MYO16: variants seen among roughly 807,000 people sequenced by gnomAD.
The protein encoded by MYO16 is unconventional myosin-XVI.
MYO16 carries 94 observed loss-of-function variants against 205.3 expected under a neutral mutation model. The ratio of observed to expected loss-of-function variants is 0.46; its 90% CI spans 0.39 to 0.54. The LOEUF (loss-of-function observed/expected upper bound fraction) is 0.54. Ranked by LOEUF, MYO16 falls within the 20% of genes least tolerant of loss-of-function variation. The pLI is 0.00. For missense variants in MYO16, 2,315 were observed against 2,387.5 expected, an observed-to-expected ratio of 0.97 and a Z score of 0.63; for synonymous variants, 988 against 954.0, an observed-to-expected ratio of 1.04 and a Z score of -0.66.
intron 9 of MYO16, among the ~76,000 whole-genome samples, chr13:108,830,887 A>G (rs1876580951): frequency 6.6e-6 from 1 of 152,242 alleles, no homozygotes; most frequent in South Asian, 2.1e-4. Context: ...GGTAACATTG[A>G]GAACTGTCTA....
chr13:108,785,634 G>A lies in MYO16; in HGVS notation c.508-1G>A. ...TGTTATATTTTTTTCTTTTTATCTA[G>A]GCTGGAGCCAATGTCCTTCTCCAGG... On this transcript the variant is annotated splice_acceptor_variant, in intron 4 of 34. Coordinates refer to ENST00000457511, the MANE Select transcript of MYO16 (RefSeq NM_001198950.3). LOFTEE classifies it high-confidence loss of function. 1 of 1,594,400 alleles carries A rather than the reference G, an allele frequency of 6.3e-7. No individual in the cohort carries two copies. Among genetic ancestry groups the A allele is most frequent in the Non-Finnish European group, 8.5e-7 (1 of 1,170,664 alleles).
the MYO16 span, among the ~76,000 whole-genome samples, chr13:108,508,368 G>T: frequency 6.6e-6 from 1 of 152,112 alleles, no homozygotes; most frequent in African/African-American, 2.4e-5. Flanking sequence ...CTTTTTTGGG[G>T]ATGCACTTTC....
In MYO16 at chr13:109,101,198, C is replaced by T. The variant is rs1888955807; in HGVS notation, c.3438+311C>T. ...CAGTAAAGCATTTTGTCATATTTAC[C>T]CATAGCAGGAGTCAGAGGAGCCAAA... On this transcript the variant is annotated intron_variant, in intron 28 of 34. Transcript: ENST00000457511. The T allele has an allele frequency of 8.3e-6, 2 of 240,380 alleles. 1 individual carries two copies. The highest frequency in any genetic ancestry group is 1.7e-4 in the East Asian group (2 of 11,862). 14.9% of individuals were successfully genotyped at this position (240,380 alleles called of 1,614,324 possible). A position where few individuals can be genotyped will look rare whatever the true frequency, so the allele number is the denominator to read the frequency against.
chr13:108,806,658 T>G (rs2138981706), intron 6 of MYO16, 21 bp from the exon 7 acceptor site: 1 of 1,608,706 alleles, frequency 6.2e-7, no homozygotes, highest in Non-Finnish European at 8.5e-7. Context: ...AAATGAATAA[T>G]AAGATGTCTC....
At chr13:108,522,994 C>T in the MYO16 span, among the ~76,000 whole-genome samples, 1 of 152,020 alleles carries the variant, frequency 6.6e-6, no homozygotes, top group Non-Finnish European at 1.5e-5. Context: ...ACAAAAAATG[C>T]CATAGAAAAG....
rs550147161 is a variant in MYO16 at position 109,063,041 on chromosome 13, C to T, written c.3335+7446C>T. On this transcript the variant is annotated intron_variant, in intron 27 of 34. Transcript: ENST00000457511. The stretch of plus-strand genomic sequence containing the variant: ...ACAACAACAAAATGTCCAGTTTTGC[C>T]GTTGGGAAGTAAGCAACCACTGCTT... 2.6e-5 allele frequency among the ~76,000 whole-genome samples: 4 copies of T among 152,210 alleles called. No homozygotes were observed. In the South Asian group the frequency reaches 6.2e-4, roughly 24 times the overall value.
intron 9 of MYO16, among the ~76,000 whole-genome samples, chr13:108,827,528 C>T (rs538772114): frequency 1.3e-5 from 2 of 152,244 alleles, no homozygotes; most frequent in African/African-American, 4.8e-5. Flanking sequence ...TCTAAGGTGT[C>T]TCCTATCCAA....
intron 12 of MYO16, among the ~76,000 whole-genome samples, chr13:108,870,374 T>C (rs1878990730): frequency 6.6e-6 from 1 of 152,084 alleles, no homozygotes; most frequent in Admixed American, 6.5e-5. Flanking sequence ...AAAAAAATCT[T>C]CTATGTCAAA....
chr13:108,898,000 T>C lies in MYO16; in HGVS notation c.1660-16T>C. 1 of 1,568,260 alleles carries C rather than the reference T, an allele frequency of 6.4e-7. No homozygotes were observed. The highest frequency in any genetic ancestry group is 8.8e-7 in the Non-Finnish European group (1 of 1,138,400). On this transcript the variant is annotated splice_polypyrimidine_tract_variant and intron_variant, in intron 14 of 34. Coordinates refer to ENST00000457511, the MANE Select transcript of MYO16 (RefSeq NM_001198950.3). ...AAAATATGAGCAGTTCAGTAAAATG[T>C]TCTCCTCTCCCACAGGTCGTGTGCA...
intron 4 of MYO16, among the ~76,000 whole-genome samples, chr13:108,741,783 T>G (rs759627036): frequency 5.3e-5 from 8 of 152,120 alleles, no homozygotes; most frequent in Non-Finnish European, 7.3e-5. Context: ...GAAATAGAAG[T>G]CATTGAAGCC....
chr13:108,749,946 T>A (rs1375215965), intron 4 of MYO16, among the ~76,000 whole-genome samples: 1 of 152,126 alleles, frequency 6.6e-6, no homozygotes, highest in African/African-American at 2.4e-5. Flanking sequence ...GAGTCAGCAA[T>A]AAAACAGGAC....
Position 108,937,343 on chromosome 13 carries a change from C to T in MYO16, c.1926-20345C>T, listed in dbSNP as rs114290087. Among the ~76,000 whole-genome samples, 898 of 151,936 alleles carry T rather than the reference C, an allele frequency of 5.9e-3. 6 individuals carry two copies. The highest frequency in any genetic ancestry group is 0.019 in the African/African-American group (804 of 41,464). ...TGGTTAGTCTGGTAACTATATACCTCGGTGTTGTTCATTTTATATAATATC... is the reference window on the plus strand; with the variant it reads ...TGGTTAGTCTGGTAACTATATACCTTGGTGTTGTTCATTTTATATAATATC... On this transcript the variant is annotated intron_variant, in intron 16 of 34. Transcript: ENST00000457511.
intron 16 of MYO16, among the ~76,000 whole-genome samples, chr13:108,956,595 C>T (rs546790238): frequency 6.6e-6 from 1 of 152,248 alleles, no homozygotes; most frequent in African/African-American, 2.4e-5. Flanking sequence ...TCACCGTAGG[C>T]TCCAATTTTG....
intron 1 of MYO16, among the ~76,000 whole-genome samples, chr13:108,616,127 A>G (rs1879342270): frequency 6.6e-6 from 1 of 152,228 alleles, no homozygotes; most frequent in Non-Finnish European, 1.5e-5. Flanking sequence ...AGAGTGGGAC[A>G]CATGCATTTT....
chr13:108,717,487 G>A (rs1033340923), intron 3 of MYO16, among the ~76,000 whole-genome samples: 17 of 151,846 alleles, frequency 1.1e-4, no homozygotes, highest in African/African-American at 3.4e-4. Flanking sequence ...AAAATTAGCC[G>A]GGCGTGGTGG....
intron 4 of MYO16, among the ~76,000 whole-genome samples, chr13:108,757,609 C>T (rs890288419): frequency 1.3e-5 from 2 of 152,052 alleles, no homozygotes; most frequent in African/African-American, 2.4e-5. Context: ...AGGTATATCT[C>T]CTAATGCTAT....
At position 108,801,589 on chromosome 13, in the gene MYO16, T is replaced by G. The variant is rs1445824068; in HGVS notation, c.742-5090T>G. Among the ~76,000 whole-genome samples the G allele has an allele frequency of 2.6e-5, 4 of 152,368 alleles. No individual in the cohort carries two copies. In the South Asian group the frequency reaches 6.2e-4, roughly 24 times the overall value. On this transcript the variant is annotated intron_variant, in intron 6 of 34. Coordinates refer to ENST00000457511, the MANE Select transcript of MYO16 (RefSeq NM_001198950.3). The stretch of plus-strand genomic sequence containing the variant: ...AATGTGTCTGTATAATTGTATACTA[T>G]GCTTTCCTAAAAATCTAGGGTTTAG...
chr13:108,496,646 C>A, the MYO16 span, among the ~76,000 whole-genome samples: 4 of 152,198 alleles, frequency 2.6e-5, no homozygotes, highest in Non-Finnish European at 5.9e-5. Flanking sequence ...TAGTACGCCC[C>A]CGAAAGGAAA....
intron 4 of MYO16, among the ~76,000 whole-genome samples, chr13:108,745,931 T>C (rs1377905531): frequency 6.6e-6 from 1 of 152,110 alleles, no homozygotes; most frequent in East Asian, 1.9e-4. Context: ...CTCACGCCTG[T>C]AATCCCAGCA....
Sources: allele counts gnomAD v4.1 joint callset (sites outside exome capture counted in the v4.1 genomes callset), GRCh38; gene constraint gnomAD v4.1.1; transcripts MANE v1.5; gene names NCBI Gene and HGNC (gene_info 2026-07-23, HGNC 2026-07-21).